TIMM23: variants seen among roughly 807,000 people sequenced by gnomAD.
TIMM23 encodes mitochondrial import inner membrane translocase subunit Tim23.
Under a neutral mutation model 30.7 loss-of-function variants are expected in TIMM23, and 19 were observed. That is an observed-to-expected ratio of 0.62 (90% CI 0.43 to 0.91). TIMM23 has a LOEUF of 0.91. Ranked by LOEUF, TIMM23 falls within the 40% of genes least tolerant of loss-of-function variation. The pLI is 0.00. For missense variants in TIMM23, 202 were observed against 269.2 expected (o/e 0.75, Z 1.75); for synonymous variants, 78 against 98.5 (o/e 0.79, Z 1.23).
intron 2 of TIMM23, among the ~76,000 whole-genome samples, chr10:45,980,768 A>G (rs1162330286): frequency 1.3e-5 from 2 of 152,108 alleles, no homozygotes; most frequent in South Asian, 2.1e-4. Context: ...TACATTCAAT[A>G]TATTAACATA....
intron 6 of TIMM23, 119 bp from the exon 7 acceptor site, chr10:46,003,084 T>G: frequency 1.4e-6 from 1 of 736,572 alleles, no homozygotes; most frequent in East Asian, 2.8e-5. Context: ...CCCGAAGTGC[T>G]GGGATTACCT....
chr10:45,993,720 T>TG (rs1838241609), intron 6 of TIMM23, among the ~76,000 whole-genome samples: 1 of 146,250 alleles, frequency 6.8e-6, no homozygotes, highest in South Asian at 2.2e-4. Context: ...AAATGAATAA[T>TG]GAAATGCCAG....
Position 45,986,733 on chromosome 10 carries a change from T to A in TIMM23, c.403+1292T>A, listed in dbSNP as rs1218113880. Among the ~76,000 whole-genome samples, 18 of 152,110 alleles carry A rather than the reference T, an allele frequency of 1.2e-4. No homozygotes were observed. In the Middle Eastern group the frequency reaches 0.017, roughly 144 times the overall value. On this transcript the variant is annotated intron_variant, in intron 5 of 6. Transcript: ENST00000580018. ...GGGAAGATACTTTAAAATGAAATGG[T>A]GCTAGTGTTATAATACGTGAGAATC...
chr10:45,996,125 G>A (rs79732717), intron 6 of TIMM23, among the ~76,000 whole-genome samples: 1 of 142,384 alleles, frequency 7.0e-6, no homozygotes, highest in Admixed American at 7.0e-5. Context: ...ACTTTGGGAG[G>A]CCAAGGCGGG....
In TIMM23 at chr10:45,978,608, C is replaced by T. The variant is rs1554913518; in HGVS notation, c.165+3096C>T. On this transcript the variant is annotated intron_variant, in intron 2 of 6. Coordinates refer to ENST00000580018, the MANE Select transcript of TIMM23 (RefSeq NM_006327.4). Reference sequence around the variant, plus strand: ...ACAATGAGATACCTCTTTACACCCACGGGGATCACTATAATCAAAAAGAAA... The same window carrying T: ...ACAATGAGATACCTCTTTACACCCATGGGGATCACTATAATCAAAAAGAAA... Among the ~76,000 whole-genome samples, 12 of 152,212 alleles carry T rather than the reference C, an allele frequency of 7.9e-5. No homozygotes were observed. The East Asian group carries it at 1.5e-3, about 20-fold the overall frequency.
intron 6 of TIMM23, among the ~76,000 whole-genome samples, chr10:45,990,328 G>A (rs1838124503): frequency 6.6e-6 from 1 of 151,862 alleles, no homozygotes; most frequent in African/African-American, 2.4e-5. Flanking sequence ...TCACCATATT[G>A]GTCAGGCTGG....
intron 4 of TIMM23, among the ~76,000 whole-genome samples, chr10:45,983,194 A>G (rs1314536825): frequency 3.3e-5 from 5 of 152,248 alleles, no homozygotes; most frequent in Admixed American, 3.3e-4. Context: ...CACCTGTTAC[A>G]TTCTCCAACC....
chr10:45,995,313 A>G (rs1554916521), intron 6 of TIMM23, among the ~76,000 whole-genome samples: 1 of 151,912 alleles, frequency 6.6e-6, no homozygotes, highest in African/African-American at 2.4e-5. Flanking sequence ...TCTTAAGAAT[A>G]CATATAATAT....
Position 45,972,651 on chromosome 10 carries a change from C to T in TIMM23, c.27C>T (p.Asn9=), listed in dbSNP as rs149000982. The T allele has an allele frequency of 7.8e-3, 12,645 of 1,613,932 alleles. 847 individuals are homozygous for T. In the African/African-American group the frequency reaches 0.14, roughly 18 times the overall value. MEGGGGSG[N]KTTGGLAGFF... ...TGGAAGGAGGCGGGGGAAGCGGCAA[C>T]AAAACCACAGGGGGATTGGCCGGCT... Residue 9 remains asparagine (N), a synonymous_variant, in exon 1 of 7, where the codon AAC becomes AAT. Transcript: ENST00000580018.
At chr10:45,985,096 C>A (rs1238232894) in intron 4 of TIMM23, among the ~76,000 whole-genome samples, 1 of 151,718 alleles carries the variant, frequency 6.6e-6, no homozygotes, top group Admixed American at 6.6e-5. Context: ...AATGTGTATT[C>A]ATTATATTAT....
At chr10:45,980,970 C>T (rs1174556181) in intron 2 of TIMM23, among the ~76,000 whole-genome samples, 2 of 138,222 alleles carry the variant, frequency 1.4e-5, no homozygotes, top group Admixed American at 7.6e-5. Context: ...GATGGAGTCT[C>T]GCTCTGTCAC....
At chr10:45,992,633 T>C (rs1237404294) in intron 6 of TIMM23, 62 of 416,384 alleles carry the variant, frequency 1.5e-4, no homozygotes, top group Non-Finnish European at 2.0e-4. Context: ...TCTTGGCTCA[T>C]TACAACCTCC....
At chr10:45,985,986 C>G (rs1837978020) in intron 5 of TIMM23, among the ~76,000 whole-genome samples, 1 of 152,252 alleles carries the variant, frequency 6.6e-6, no homozygotes, top group South Asian at 2.1e-4. Flanking sequence ...TGCTTTCATA[C>G]CATATTGTTT....
chr10:45,986,600 C>T (rs1202585879), intron 5 of TIMM23, among the ~76,000 whole-genome samples: 9 of 151,956 alleles, frequency 5.9e-5, no homozygotes, highest in Non-Finnish European at 1.2e-4. Context: ...AGGCTGAGCG[C>T]GGTGTATTGT....
intron 6 of TIMM23, among the ~76,000 whole-genome samples, chr10:45,989,623 T>C (rs1207562374): frequency 3.9e-5 from 6 of 152,180 alleles, no homozygotes; most frequent in Non-Finnish European, 7.3e-5. Flanking sequence ...CAATAGAATA[T>C]TCAGAATTGT....
chr10:45,994,498 G>C (rs1838268474), intron 6 of TIMM23, among the ~76,000 whole-genome samples: 1 of 118,950 alleles, frequency 8.4e-6, no homozygotes, highest in South Asian at 3.0e-4. Flanking sequence ...AGAGTACAGT[G>C]GTGTGATCAT....
chr10:45,992,112 G>A (rs1456966140), intron 6 of TIMM23, among the ~76,000 whole-genome samples: 1 of 151,958 alleles, frequency 6.6e-6, no homozygotes, highest in East Asian at 1.9e-4. Flanking sequence ...GACTACAGGT[G>A]CATGCCACCA....
chr10:46,001,455 A>G (rs1554917675), intron 6 of TIMM23, among the ~76,000 whole-genome samples: 1 of 152,222 alleles, frequency 6.6e-6, no homozygotes, highest in African/African-American at 2.4e-5. Context: ...TAAGCAGGTC[A>G]GCTATCAGAA....
At position 45,994,340 on chromosome 10, in the gene TIMM23, A is replaced by AAAAAAT. The variant is rs1239556778; in HGVS notation, c.514+5509_514+5514dup. Among the ~76,000 whole-genome samples the AAAAAAT allele has an allele frequency of 3.9e-3, 595 of 151,580 alleles. 3 individuals carry two copies. The highest frequency in any genetic ancestry group is 8.4e-3 in the South Asian group (40 of 4,762). On this transcript the variant is annotated intron_variant, in intron 6 of 6. Transcript: ENST00000580018. Reference sequence around the variant, plus strand: ...GGCAGCTGAGCGAAACTCTGTCTCAAAAAAATAAAAATAAAAATAAATAAA... The same window carrying AAAAAAT: ...GGCAGCTGAGCGAAACTCTGTCTCAAAAAAATAAAAATAAAAATAAAAATAAATAAA...
Sources: allele counts gnomAD v4.1 joint callset (sites outside exome capture counted in the v4.1 genomes callset), GRCh38; gene constraint gnomAD v4.1.1; transcripts MANE v1.5; gene names NCBI Gene and HGNC (gene_info 2026-07-23, HGNC 2026-07-21).